Variants in ANKS1B observed in about 807,000 individuals in gnomAD.
ANKS1B encodes ankyrin repeat and sterile alpha motif domain-containing protein 1B.
In ANKS1B, 36 loss-of-function variants were observed where a neutral mutation model predicts 148.3. The observed-to-expected ratio is 0.24, with a 90% CI of 0.19 to 0.32. The LOEUF is 0.32. ANKS1B is among the 10% of genes least tolerant of loss of function. ANKS1B has a pLI of 1.00. For missense variants in ANKS1B, 1,157 were observed against 1,542.6 expected (o/e 0.75, Z 4.19); for synonymous variants, 542 against 560.8 (o/e 0.97, Z 0.47).
chr12:99,705,165 T>C, intron 8 of ANKS1B, among the ~76,000 whole-genome samples: 1 of 152,112 alleles, frequency 6.6e-6, no homozygotes, highest in South Asian at 2.1e-4. Flanking sequence ...AGCAGTTAGA[T>C]TCCCATATGC....
rs1242411547 is a variant in ANKS1B at position 98,801,852 on chromosome 12, T to C, written c.3142-727A>G. On this transcript the variant is annotated intron_variant, in intron 20 of 26. Coordinates refer to ENST00000683438, the MANE Select transcript of ANKS1B (RefSeq NM_001352186.2). This position sits in a 1 kb window ranked among gnomAD's most constrained non-coding sequence, Gnocchi z 5.2. Reference sequence around the variant, plus strand: ...CACATTCCCAAATGATGGTATATCATATGATACAGACCTAAAACAGGAGGA... The same window carrying C: ...CACATTCCCAAATGATGGTATATCACATGATACAGACCTAAAACAGGAGGA... Among the ~76,000 whole-genome samples the C allele has an allele frequency of 6.6e-6, 1 of 152,238 alleles. No individual in the cohort carries two copies. Among genetic ancestry groups the C allele is most frequent in the African/African-American group, 2.4e-5 (1 of 41,470 alleles).
chr12:99,257,447 A>C (rs2153978897), intron 12 of ANKS1B, among the ~76,000 whole-genome samples: 1 of 152,288 alleles, frequency 6.6e-6, no homozygotes, highest in Non-Finnish European at 1.5e-5. Flanking sequence ...CTATTCATTT[A>C]GGATTTTAAA....
chr12:99,608,661 T>G (rs1449010126), intron 9 of ANKS1B, among the ~76,000 whole-genome samples: 2 of 151,922 alleles, frequency 1.3e-5, no homozygotes, highest in Non-Finnish European at 2.9e-5. Flanking sequence ...GAGGTCCAGA[T>G]GTGAGAAGGA....
chr12:99,449,923 C>G (rs2095702283), intron 10 of ANKS1B, among the ~76,000 whole-genome samples: 1 of 151,476 alleles, frequency 6.6e-6, no homozygotes, highest in South Asian at 2.1e-4. Context: ...ATCTATCTAT[C>G]TATCTATCTA....
chr12:99,968,940 C>T lies in ANKS1B; in HGVS notation c.134+15164G>A, dbSNP rs142653531. ...TGATTGGAAGCTTCCTGAGGCCTCACCTGAAGCAGATGCCAGCACCATGCT... is the reference window on the plus strand; with the variant it reads ...TGATTGGAAGCTTCCTGAGGCCTCATCTGAAGCAGATGCCAGCACCATGCT... On this transcript the variant is annotated intron_variant, in intron 1 of 26. Transcript: ENST00000683438. 8.1e-3 allele frequency among the ~76,000 whole-genome samples: 1,238 copies of T among 152,282 alleles called. 20 individuals are homozygous for T. The highest frequency in any genetic ancestry group is 0.028 in the African/African-American group (1,175 of 41,548).
At chr12:99,472,409 T>C (rs962900291) in intron 10 of ANKS1B, among the ~76,000 whole-genome samples, 1 of 152,126 alleles carries the variant, frequency 6.6e-6, no homozygotes, top group African/African-American at 2.4e-5. Context: ...AAGAACCTTT[T>C]TACATTTTCT....
At chr12:99,559,525 C>T (rs2097311090) in intron 9 of ANKS1B, among the ~76,000 whole-genome samples, 1 of 152,090 alleles carries the variant, frequency 6.6e-6, no homozygotes, top group African/African-American at 2.4e-5. Context: ...GTTCCAGTTG[C>T]ATGGTGGGGA....
At chr12:99,511,362 G>A (rs2096764099) in intron 9 of ANKS1B, among the ~76,000 whole-genome samples, 1 of 151,916 alleles carries the variant, frequency 6.6e-6, no homozygotes. Context: ...AATAAGTGAG[G>A]CAAAGGACCT....
intron 21 of ANKS1B, 56 bp from the exon 22 acceptor site, chr12:98,799,061 G>T: frequency 7.8e-7 from 1 of 1,282,400 alleles, no homozygotes; most frequent in Non-Finnish European, 1.1e-6. Context: ...TATGAGTAAT[G>T]TTTTAAAAAC....
chr12:99,347,381 G>T (rs2090848280), intron 12 of ANKS1B, among the ~76,000 whole-genome samples: 1 of 151,918 alleles, frequency 6.6e-6, no homozygotes, highest in Admixed American at 6.6e-5. Context: ...CGCAGAACAG[G>T]CCACATGATC....
intron 12 of ANKS1B, among the ~76,000 whole-genome samples, chr12:99,296,510 G>A (rs886539160): frequency 7.9e-5 from 12 of 152,028 alleles, no homozygotes; most frequent in African/African-American, 1.2e-4. Context: ...TGTATCATTC[G>A]TATTTCAGCT....
At chr12:99,020,813 C>G (rs1383949296) in intron 17 of ANKS1B, among the ~76,000 whole-genome samples, 10 of 151,982 alleles carry the variant, frequency 6.6e-5, no homozygotes, top group Non-Finnish European at 1.5e-4. Context: ...AATATGGTTT[C>G]TTTCATCTGA....
intron 15 of ANKS1B, among the ~76,000 whole-genome samples, chr12:99,091,408 T>C (rs995715118): frequency 2.6e-5 from 4 of 152,208 alleles, no homozygotes; most frequent in African/African-American, 9.6e-5. Context: ...ATTATAAATG[T>C]AATTCACTTG....
intron 1 of ANKS1B, among the ~76,000 whole-genome samples, chr12:99,887,433 C>T (rs551902901): frequency 3.9e-5 from 6 of 152,248 alleles, no homozygotes; most frequent in Admixed American, 2.0e-4. Context: ...TTTCTTTTCA[C>T]GTTTCAAAGT....
intron 12 of ANKS1B, among the ~76,000 whole-genome samples, chr12:99,278,502 T>A (rs1310071766): frequency 6.6e-6 from 1 of 152,154 alleles, no homozygotes. Context: ...AAAAAGAAGT[T>A]CCCCAAATAT....
intron 12 of ANKS1B, among the ~76,000 whole-genome samples, chr12:99,293,354 G>A (rs1170244032): frequency 6.6e-6 from 1 of 151,866 alleles, no homozygotes; most frequent in Non-Finnish European, 1.5e-5. Context: ...CCTGTCGGGG[G>A]GTGGGGGCTG....
intron 2 of ANKS1B, among the ~76,000 whole-genome samples, chr12:99,823,043 G>A (rs1361374545): frequency 6.6e-6 from 1 of 152,108 alleles, no homozygotes; most frequent in Non-Finnish European, 1.5e-5. Flanking sequence ...GACGATTAGT[G>A]ATGTTGAGCA....
intron 17 of ANKS1B, among the ~76,000 whole-genome samples, chr12:98,975,526 A>G (rs933650986): frequency 3.3e-5 from 5 of 152,136 alleles, no homozygotes; most frequent in African/African-American, 7.2e-5. Context: ...TAAAGTCTCT[A>G]CCCTCAGGAG....
chr12:99,519,895 G>T (rs1404111042), intron 9 of ANKS1B, among the ~76,000 whole-genome samples: 1 of 152,032 alleles, frequency 6.6e-6, no homozygotes, highest in Non-Finnish European at 1.5e-5. Context: ...ATTTTAACTG[G>T]TGACAATTTA....
Sources: gnomAD v4.1 joint callset for allele counts (sites outside exome capture counted in the v4.1 genomes callset) on GRCh38, gnomAD v4.1.1 for gene constraint, Gnocchi (gnomAD v3.1) non-coding constraint, MANE v1.5 for transcripts, NCBI Gene and HGNC (gene_info 2026-07-23, HGNC 2026-07-21) for gene names.